Variants in ADAMTSL1 observed in about 807,000 individuals in gnomAD.
ADAMTSL1 encodes ADAMTS like 1.
A neutral mutation model predicts 201.8 loss-of-function variants in ADAMTSL1; 126 were observed. The observed-to-expected ratio is 0.62, with a 90% confidence interval of 0.54 to 0.72. The LOEUF (loss-of-function observed/expected upper bound fraction) is 0.72. Ranked by LOEUF, ADAMTSL1 falls within the 30% of genes least tolerant of loss-of-function variation. ADAMTSL1 has a pLI of 0.00. For synonymous variants in ADAMTSL1, 1,121 were observed against 903.4 expected (o/e 1.24, Z -4.32); for missense variants, 2,679 against 2,277.8 (o/e 1.18, Z -3.59).
chr9:18,874,385 G>A (rs186105985), intron 23 of ADAMTSL1, among the ~76,000 whole-genome samples: 1 of 151,792 alleles, frequency 6.6e-6, no homozygotes, highest in East Asian at 1.9e-4. Flanking sequence ...TGGTTCTCAG[G>A]GAGAACTTTT....
chr9:18,637,868 C>A (rs2225569), intron 6 of ADAMTSL1, among the ~76,000 whole-genome samples: 1,697 of 152,158 alleles, frequency 0.011, 25 homozygotes, highest in African/African-American at 0.033. Context: ...AGAAGGACAG[C>A]TGTAAGCCTC....
intron 2 of ADAMTSL1, among the ~76,000 whole-genome samples, chr9:18,242,517 G>C (rs957169792): frequency 1.3e-5 from 2 of 152,028 alleles, no homozygotes; most frequent in African/African-American, 4.8e-5. Context: ...CAAGAACCAT[G>C]TGACAAGGAA....
chr9:18,791,996 C>T (rs1408880871), intron 19 of ADAMTSL1, among the ~76,000 whole-genome samples: 2 of 152,054 alleles, frequency 1.3e-5, no homozygotes, highest in Admixed American at 6.6e-5. Context: ...AAAAACTAAC[C>T]CCCACCTAAA....
intron 1 of ADAMTSL1, among the ~76,000 whole-genome samples, chr9:17,932,789 C>CT (rs1484604574): frequency 6.6e-6 from 1 of 152,084 alleles, no homozygotes; most frequent in African/African-American, 2.4e-5. Flanking sequence ...CCATGTTGTC[C>CT]TTTTTTGAAA....
chr9:18,777,912 C>T lies in ADAMTSL1; in HGVS notation c.3677+6C>T. The T allele has an allele frequency of 2.0e-6, 3 of 1,531,694 alleles. No homozygotes were observed. The highest frequency in any genetic ancestry group is 8.8e-7 in the Non-Finnish European group (1 of 1,136,804). 94.9% of individuals were successfully genotyped at this position (1,531,694 alleles called of 1,614,324 possible). ...GAAGTTCAGTTCAGTGACAGGTGAGCCTTGTAGCTAACCTGGTCTTGGGAG... is the reference window on the plus strand; with the variant it reads ...GAAGTTCAGTTCAGTGACAGGTGAGTCTTGTAGCTAACCTGGTCTTGGGAG... On this transcript the variant is annotated splice_donor_region_variant and intron_variant, in intron 19 of 28. Coordinates refer to ENST00000380548, the MANE Select transcript of ADAMTSL1 (RefSeq NM_001040272.6).
At chr9:18,055,178 G>A (rs1366631083) in intron 1 of ADAMTSL1, among the ~76,000 whole-genome samples, 1 of 152,216 alleles carries the variant, frequency 6.6e-6, no homozygotes, top group East Asian at 1.9e-4. Flanking sequence ...ACTAAAGTCT[G>A]TAGTAACAGT....
At chr9:18,118,721 G>A (rs1825369644) in intron 1 of ADAMTSL1, among the ~76,000 whole-genome samples, 2 of 152,164 alleles carry the variant, frequency 1.3e-5, no homozygotes, top group African/African-American at 2.4e-5. Flanking sequence ...TTAAAAACCT[G>A]CAATGTCATC....
chr9:18,795,623 C>T (rs904048348), intron 20 of ADAMTSL1, 99 bp downstream of exon 20: 10 of 1,265,488 alleles, frequency 7.9e-6, no homozygotes, highest in Middle Eastern at 1.9e-4. Flanking sequence ...ATAAAGGAGA[C>T]CCAGATCCCA....
chr9:17,913,832 T>C (rs201310297), intron 1 of ADAMTSL1, among the ~76,000 whole-genome samples: 1 of 149,876 alleles, frequency 6.7e-6, no homozygotes, highest in Admixed American at 6.7e-5. Context: ...AAAATGATAA[T>C]GGGGATATCA....
intron 2 of ADAMTSL1, among the ~76,000 whole-genome samples, chr9:18,300,708 G>C (rs1297998150): frequency 6.6e-6 from 1 of 152,104 alleles, no homozygotes; most frequent in African/African-American, 2.4e-5. Context: ...GAGATCTAGT[G>C]AGCAGGAAAT....
intron 2 of ADAMTSL1, among the ~76,000 whole-genome samples, chr9:18,409,211 T>G (rs184145789): frequency 2.4e-4 from 36 of 150,914 alleles, no homozygotes; most frequent in Admixed American, 1.9e-3. Flanking sequence ...TGGTGAAAAC[T>G]CATCTCTACT....
chr9:18,680,386 TGGA>T lies in ADAMTSL1; in HGVS notation c.1218_1220del (p.Glu406del). Reference sequence around the variant, plus strand: ...ATCCAGAGCCGGGCAGTTTCCTGTGTGGAGGAGGACATCCAGGGGCATGTCACT... The same window carrying T: ...ATCCAGAGCCGGGCAGTTTCCTGTGTGGAGGACATCCAGGGGCATGTCACT... On this transcript the variant is annotated inframe_deletion, in exon 11 of 29. Coordinates refer to ENST00000380548, the MANE Select transcript of ADAMTSL1 (RefSeq NM_001040272.6). 6.2e-7 allele frequency: 1 copy of T among 1,614,140 alleles called. No homozygotes were observed. Among genetic ancestry groups the T allele is most frequent in the Non-Finnish European group, 8.5e-7 (1 of 1,180,008 alleles).
In ADAMTSL1 at chr9:18,906,761, G is replaced by C. The variant is rs368205469; in HGVS notation, c.5031G>C (p.Leu1677=). 50 of 1,613,884 alleles carry C rather than the reference G, an allele frequency of 3.1e-5. No individual in the cohort carries two copies. In the African/African-American group the frequency reaches 6.3e-4, roughly 20 times the overall value. ...ACTGGAGAGTCAGCCTGTGGACCCT[G>C]TGCACAGCTACCTGTGGCAACTACG... is the stretch of plus-strand genomic sequence containing the variant. ...SVHWRVSLWT[L]CTATCGNYGF... Residue 1677 remains leucine (L), a synonymous_variant, in exon 28 of 29, where the codon CTG becomes CTC. Coordinates refer to ENST00000380548, the MANE Select transcript of ADAMTSL1 (RefSeq NM_001040272.6).
chr9:18,119,971 G>A (rs915522784), intron 1 of ADAMTSL1, among the ~76,000 whole-genome samples: 7 of 152,198 alleles, frequency 4.6e-5, no homozygotes, highest in African/African-American at 1.7e-4. Flanking sequence ...TATAGGCCAT[G>A]TATTTGTTTC....
At chr9:18,487,179 C>T (rs1038561020) in intron 1 of ADAMTSL1, among the ~76,000 whole-genome samples, 1 of 152,148 alleles carries the variant, frequency 6.6e-6, no homozygotes, top group East Asian at 1.9e-4. Flanking sequence ...CTAAGTTATA[C>T]TAAAGTGAGT....
chr9:18,237,531 A>C (rs1317483562), intron 2 of ADAMTSL1, among the ~76,000 whole-genome samples: 1 of 152,240 alleles, frequency 6.6e-6, no homozygotes, highest in African/African-American at 2.4e-5. Flanking sequence ...AGAGGATTTC[A>C]GAGAAAGCTC....
At chr9:18,040,854 C>T (rs896186539) in intron 1 of ADAMTSL1, among the ~76,000 whole-genome samples, 3 of 152,010 alleles carry the variant, frequency 2.0e-5, no homozygotes, top group Non-Finnish European at 4.4e-5. Context: ...CAACAGATGG[C>T]CACAAATCTG....
At chr9:17,983,308 A>G (rs1438717049) in intron 1 of ADAMTSL1, among the ~76,000 whole-genome samples, 1 of 151,888 alleles carries the variant, frequency 6.6e-6, no homozygotes, top group African/African-American at 2.4e-5. Context: ...TGACTTTGTG[A>G]TCTGCCCGCC....
At position 18,544,552 on chromosome 9, in the gene ADAMTSL1, G is replaced by T. The variant is rs563323644; in HGVS notation, c.237+11260G>T. Among the ~76,000 whole-genome samples the T allele has an allele frequency of 2.9e-4, 44 of 152,040 alleles. 1 individual carries two copies. The South Asian group carries it at 8.1e-3, about 28-fold the overall frequency. On this transcript the variant is annotated intron_variant, in intron 3 of 28. Transcript: ENST00000380548. ...GCCAGCATCATCCCATGGAGACCAC[G>T]AGAGCGGGGTTTAGCAATAGTTGTA...
Sources: allele counts gnomAD v4.1 joint callset (sites outside exome capture counted in the v4.1 genomes callset), GRCh38; gene constraint gnomAD v4.1.1; transcripts MANE v1.5; gene names NCBI Gene and HGNC (gene_info 2026-07-23, HGNC 2026-07-21).